ACSBG2: variants seen among roughly 807,000 people sequenced by gnomAD.
ACSBG2 encodes the protein long-chain-fatty-acid--CoA ligase ACSBG2.
ACSBG2 carries 62 observed loss-of-function variants against 74.7 expected under a neutral mutation model. The ratio of observed to expected loss-of-function variants is 0.83; its 90% CI spans 0.68 to 1.03. ACSBG2 has a LOEUF of 1.03. Among genes scored for constraint, ACSBG2 ranks in the 50% least tolerant of loss-of-function variants. The probability of loss-of-function intolerance (pLI) is 0.00; values close to 1 mark genes in which losing one functional copy is unlikely to be tolerated. For missense variants in ACSBG2, 730 were observed against 817.6 expected (o/e 0.89, Z 1.31); for synonymous variants, 309 against 294.1 (o/e 1.05, Z -0.52).
At chr19:6,178,747 T>C (rs903055495) in intron 8 of ACSBG2, among the ~76,000 whole-genome samples, 1 of 152,196 alleles carries the variant, frequency 6.6e-6, no homozygotes, top group African/African-American at 2.4e-5. Flanking sequence ...TTAGGTTGGG[T>C]ACCCTAGAAG....
rs1207705590 is a variant in ACSBG2, at chr19:6,187,282, G to A, written c.1541-1G>A. 6.2e-7 allele frequency: 1 copy of A among 1,614,134 alleles called. No individual in the cohort carries two copies. Among genetic ancestry groups the A allele is most frequent in the Non-Finnish European group, 8.5e-7 (1 of 1,180,006 alleles). On this transcript the variant is annotated splice_acceptor_variant, in intron 11 of 14. Transcript: ENST00000588485. LOFTEE classifies it high-confidence loss of function. ...ATGTACCAAGCCAAGCTCTGTTCCA[G>A]AAATCCTTATCACTGCTGGTGGTGA...
intron 4 of ACSBG2, 107 bp downstream of exon 4, chr19:6,151,902 C>A: frequency 1.0e-6 from 1 of 999,734 alleles, no homozygotes; most frequent in Non-Finnish European, 1.5e-6. Context: ...TTTGGATGAA[C>A]GCCCTAGTTA....
intron 1 of ACSBG2, among the ~76,000 whole-genome samples, chr19:6,139,797 G>A (rs1253428617): frequency 6.6e-6 from 1 of 152,174 alleles, no homozygotes; most frequent in Non-Finnish European, 1.5e-5. Context: ...TGTGATTTTA[G>A]GCCAGGTGTG....
intron 8 of ACSBG2, among the ~76,000 whole-genome samples, chr19:6,182,470 G>A (rs529052535): frequency 6.6e-6 from 1 of 152,314 alleles, no homozygotes; most frequent in East Asian, 1.9e-4. Context: ...TTCACCCACA[G>A]AAGTGAAGTT....
At chr19:6,175,655 G>A (rs1040304188) in intron 7 of ACSBG2, among the ~76,000 whole-genome samples, 6 of 152,210 alleles carry the variant, frequency 3.9e-5, no homozygotes, top group South Asian at 2.1e-4. Flanking sequence ...GAGCAACAGC[G>A]AGGAGGTCTG....
At chr19:6,173,193 G>A (rs966907449) in intron 7 of ACSBG2, among the ~76,000 whole-genome samples, 1 of 152,124 alleles carries the variant, frequency 6.6e-6, no homozygotes, top group Non-Finnish European at 1.5e-5. Flanking sequence ...GGGATCCTGC[G>A]GCCCCCCAGA....
At position 6,180,577 on chromosome 19, in the gene ACSBG2, T is replaced by C. The variant is rs1165606192; in HGVS notation, c.907-2174T>C. Among the ~76,000 whole-genome samples, 1 of 152,226 alleles carries C rather than the reference T, an allele frequency of 6.6e-6. No individual in the cohort carries two copies. Among genetic ancestry groups the C allele is most frequent in the African/African-American group, 2.4e-5 (1 of 41,460 alleles). On this transcript the variant is annotated intron_variant, in intron 8 of 14. Coordinates refer to ENST00000588485, the MANE Select transcript of ACSBG2 (RefSeq NM_030924.5). This position sits in a 1 kb window ranked among gnomAD's most constrained non-coding sequence, Gnocchi z 4.3. ...CCCACATCCTTACCAACTCCTAATA[T>C]TGTCAAAATGTTTACAACTTGTCAA... is the stretch of plus-strand genomic sequence containing the variant.
At chr19:6,186,329 G>A (rs2090407069) in intron 11 of ACSBG2, among the ~76,000 whole-genome samples, 1 of 152,138 alleles carries the variant, frequency 6.6e-6, no homozygotes, top group Non-Finnish European at 1.5e-5. Context: ...GAATGGGTGT[G>A]GCCAGCTGCC....
chr19:6,135,828 A>T lies in ACSBG2; in HGVS notation c.-113A>T, dbSNP rs2088542273. The T allele has an allele frequency of 6.6e-6, 1 of 152,348 alleles. No homozygotes were observed. Among genetic ancestry groups the T allele is most frequent in the South Asian group, 2.1e-4 (1 of 4,834 alleles). The allele number at this position is 152,348 out of a possible 1,614,324, so 9.4% of individuals were successfully genotyped here. On this transcript the variant is annotated 5_prime_UTR_variant, in exon 1 of 15. Transcript: ENST00000588485. ...ACCTGTTGACTGTCTTTGCAGGAAG[A>T]AGAAAACACCTGAGTGACCAGATGT...
At chr19:6,144,685 GT>G (rs1027739585) in intron 2 of ACSBG2, among the ~76,000 whole-genome samples, 11 of 151,612 alleles carry the variant, frequency 7.3e-5, no homozygotes, top group African/African-American at 2.4e-4. Context: ...TTTTTTTGTT[GT>G]TTTTTTCTTT....
chr19:6,165,826 G>C (rs75463840), intron 6 of ACSBG2, 40 bp from the exon 7 acceptor site: 2 of 1,610,686 alleles, frequency 1.2e-6, no homozygotes, highest in Non-Finnish European at 1.7e-6. Flanking sequence ...GAGGACTCCC[G>C]ACTGCCTTCT....
chr19:6,139,963 CCT>C (rs1247122818), intron 1 of ACSBG2, among the ~76,000 whole-genome samples: 1 of 152,106 alleles, frequency 6.6e-6, no homozygotes, highest in African/African-American at 2.4e-5. Context: ...GTGGCTCACG[CCT>C]GTCATCCCAG....
chr19:6,178,088 T>C (rs2090139423), intron 8 of ACSBG2, among the ~76,000 whole-genome samples: 1 of 152,160 alleles, frequency 6.6e-6, no homozygotes, highest in Non-Finnish European at 1.5e-5. Flanking sequence ...TTATACCCTT[T>C]AAGTATTATC....
At chr19:6,143,440 A>T (rs1331612397) in intron 2 of ACSBG2, among the ~76,000 whole-genome samples, 3 of 152,030 alleles carry the variant, frequency 2.0e-5, no homozygotes, top group Non-Finnish European at 2.9e-5. Context: ...GGATTTAGGG[A>T]TCACCCTAAA....
chr19:6,187,217 C>G lies in ACSBG2; in HGVS notation c.1541-66C>G, dbSNP rs943820841. The G allele has an allele frequency of 1.9e-5, 30 of 1,602,228 alleles. No homozygotes were observed. In the Middle Eastern group the frequency reaches 5.1e-4, roughly 27 times the overall value. ...ACGGGGTTTCACCATGTTGGCCAGG[C>G]TGGTCTCAAACTGGGGGTTCCACGT... On this transcript the variant is annotated intron_variant, in intron 11 of 14. Transcript: ENST00000588485.
Position 6,187,691 on chromosome 19 carries a change from C to T in ACSBG2, c.1773C>T (p.Thr591=), listed in dbSNP as rs533945405. ...GGGGTCTGGGCAGCCAGGCATCCAC[C>T]GTGACTGAGATTGTGAAGCAGCAAG... is the stretch of plus-strand genomic sequence containing the variant. ...FCRGLGSQAS[T]VTEIVKQQDP... Residue 591 remains threonine, a synonymous_variant, in exon 13 of 15, where the codon ACC becomes ACT. Transcript: ENST00000588485. 5.1e-5 allele frequency: 82 copies of T among 1,614,124 alleles called. No homozygotes were observed. The highest frequency in any genetic ancestry group is 3.3e-4 in the Middle Eastern group (2 of 6,062).
chr19:6,141,464 ACAGC>A, intron 1 of ACSBG2, 45 bp from the exon 2 acceptor site: 1 of 924,120 alleles, frequency 1.1e-6, no homozygotes, highest in Non-Finnish European at 1.8e-6. Flanking sequence ...CCTCATCCCT[ACAGC>A]CCCTTTGCCA....
chr19:6,186,196 A>G (rs1201444808), intron 11 of ACSBG2, among the ~76,000 whole-genome samples: 2 of 152,174 alleles, frequency 1.3e-5, no homozygotes, highest in Non-Finnish European at 2.9e-5. Flanking sequence ...AACAAGGATA[A>G]GCCAACTTTT....
At chr19:6,184,199 T>C (rs771040514) in intron 10 of ACSBG2, among the ~76,000 whole-genome samples, 2 of 152,208 alleles carry the variant, frequency 1.3e-5, no homozygotes, top group African/African-American at 4.8e-5. Context: ...TTATTATTGG[T>C]TTGTTGGCAC....
Sources: gnomAD v4.1 joint callset for allele counts (sites outside exome capture counted in the v4.1 genomes callset) on GRCh38, gnomAD v4.1.1 for gene constraint, Gnocchi (gnomAD v3.1) non-coding constraint, MANE v1.5 for transcripts, NCBI Gene and HGNC (gene_info 2026-07-23, HGNC 2026-07-21) for gene names.